The following RAD54L2 variants were observed in gnomAD, a reference collection of about 807,000 sequenced individuals.
The protein encoded by RAD54L2 is RAD54 like 2.
RAD54L2 carries 27 observed loss-of-function variants against 138.4 expected under a neutral mutation model. The ratio of observed to expected loss-of-function variants is 0.20; its 90% CI spans 0.14 to 0.27. RAD54L2 has a LOEUF of 0.27. Among genes scored for constraint, RAD54L2 ranks in the 10% least tolerant of loss-of-function variants. The pLI, the probability that RAD54L2 is intolerant of heterozygous loss-of-function variation, is 1.00. For missense variants in RAD54L2, 1,396 were observed against 1,890.2 expected (o/e 0.74, Z 4.85); for synonymous variants, 644 against 723.2 (o/e 0.89, Z 1.76).
At chr3:51,591,145 T>G (rs1699830993) in intron 3 of RAD54L2, among the ~76,000 whole-genome samples, 1 of 152,164 alleles carries the variant, frequency 6.6e-6, no homozygotes. Context: ...TAGATCCCCT[T>G]TTGATGCCTT....
Position 51,637,177 on chromosome 3 carries a change from A to T in RAD54L2, c.1356A>T (p.Leu452Phe). 6.3e-7 allele frequency: 1 copy of T among 1,584,022 alleles called. No homozygotes were observed. Among genetic ancestry groups the T allele is most frequent in the Non-Finnish European group, 8.6e-7 (1 of 1,164,846 alleles). ...QEFRREFEKA[L>F]CRPGPDVVIC... ...CCTCCCTAGAGTTTGAGAAGGCTTT[A>T]TGCCGCCCTGGCCCTGATGTAGTAA... The change falls in exon 11 of 23, where the codon TTA becomes TTT. Residue 452 changes from leucine to phenylalanine, a missense_variant. By Grantham distance (22) the Leu-to-Phe change is conservative. Transcript: ENST00000684192. This position sits in a 1 kb window ranked among gnomAD's most constrained non-coding sequence, Gnocchi z 5.9.
intron 2 of RAD54L2, among the ~76,000 whole-genome samples, chr3:51,559,782 T>C (rs1179474455): frequency 6.6e-6 from 1 of 152,158 alleles, no homozygotes; most frequent in Non-Finnish European, 1.5e-5. Context: ...ATATTGAAAA[T>C]AAAAACAATC....
At chr3:51,647,288 G>A (rs201154386) in intron 19 of RAD54L2, among the ~76,000 whole-genome samples, 3 of 152,092 alleles carry the variant, frequency 2.0e-5, no homozygotes, top group Non-Finnish European at 4.4e-5. Flanking sequence ...CTGCAGCCTC[G>A]ACCTGCTGGG....
chr3:51,544,812 G>C (rs1698644605), intron 2 of RAD54L2, among the ~76,000 whole-genome samples: 1 of 152,056 alleles, frequency 6.6e-6, no homozygotes, highest in Admixed American at 6.6e-5. Flanking sequence ...TGTTGGCCAG[G>C]CTGGTCTTGA....
chr3:51,540,460 A>G (rs1206831256), intron 1 of RAD54L2, among the ~76,000 whole-genome samples: 2 of 152,194 alleles, frequency 1.3e-5, no homozygotes, highest in East Asian at 1.9e-4. Context: ...ACAGTACGCA[A>G]ACTCCAACTC....
intron 2 of RAD54L2, among the ~76,000 whole-genome samples, chr3:51,555,060 C>G (rs1402715594): frequency 6.6e-6 from 1 of 152,032 alleles, no homozygotes; most frequent in Non-Finnish European, 1.5e-5. Flanking sequence ...CCAGGCTGGT[C>G]TCAAACTCCT....
intron 2 of RAD54L2, among the ~76,000 whole-genome samples, chr3:51,564,892 A>G (rs2106646658): frequency 6.6e-6 from 1 of 152,328 alleles, no homozygotes; most frequent in East Asian, 1.9e-4. Flanking sequence ...TTTATATGTT[A>G]GGATGCTGTT....
At chr3:51,601,012 A>G (rs1700068291) in intron 3 of RAD54L2, among the ~76,000 whole-genome samples, 1 of 152,174 alleles carries the variant, frequency 6.6e-6, no homozygotes, top group African/African-American at 2.4e-5. Flanking sequence ...AGTATATTGT[A>G]GGACTGGGCA....
intron 2 of RAD54L2, among the ~76,000 whole-genome samples, chr3:51,590,163 G>A (rs1345396691): frequency 2.0e-5 from 3 of 152,030 alleles, no homozygotes; most frequent in Non-Finnish European, 4.4e-5. Flanking sequence ...ACTAACTTTT[G>A]TATTTTTAGT....
At chr3:51,569,692 T>A (rs1200393807) in intron 2 of RAD54L2, among the ~76,000 whole-genome samples, 3 of 152,166 alleles carry the variant, frequency 2.0e-5, no homozygotes, top group South Asian at 4.2e-4. Context: ...TAATTCTCTC[T>A]GTTTTTGAGT....
chr3:51,637,315 C>T lies in RAD54L2; in HGVS notation c.1494C>T (p.Asn498=). ...TGACTGGGTACCCTCTGCAAAACAACCTCATTGAGTACTGGTGCATGGTGG... is the reference window on the plus strand; with the variant it reads ...TGACTGGGTACCCTCTGCAAAACAATCTCATTGAGTACTGGTGCATGGTGG... ...VVLTGYPLQN[N]LIEYWCMVDF... Residue 498 remains asparagine (N), a synonymous_variant, in exon 11 of 23, where the codon AAC becomes AAT. Transcript: ENST00000684192. The surrounding 1 kb of genome is among the most constrained non-coding windows in gnomAD (Gnocchi z 5.9). The T allele has an allele frequency of 1.2e-6, 2 of 1,613,466 alleles. No homozygotes were observed. The highest frequency in any genetic ancestry group is 1.7e-6 in the Non-Finnish European group (2 of 1,179,722).
At chr3:51,554,447 C>A (rs1037187924) in intron 2 of RAD54L2, among the ~76,000 whole-genome samples, 2 of 151,850 alleles carry the variant, frequency 1.3e-5, no homozygotes, top group Non-Finnish European at 2.9e-5. Context: ...TCACTTGAAC[C>A]CGGGAGGCAG....
At chr3:51,620,008 T>C (rs1005114933) in intron 3 of RAD54L2, among the ~76,000 whole-genome samples, 1 of 152,188 alleles carries the variant, frequency 6.6e-6, no homozygotes. Context: ...GCAGAGTTTT[T>C]GGCACACAGA....
chr3:51,625,209 G>A (rs1394342624), intron 3 of RAD54L2, among the ~76,000 whole-genome samples: 3 of 152,024 alleles, frequency 2.0e-5, no homozygotes, highest in Non-Finnish European at 2.9e-5. Context: ...ACTTGAGGTC[G>A]GGAGTTCGAG....
At position 51,666,527 on chromosome 3, in the gene RAD54L2, C is replaced by G. The variant is rs1158711072; in HGVS notation, c.*3107C>G. 1 of 152,086 alleles carries G rather than the reference C, an allele frequency of 6.6e-6. No homozygotes were observed. The highest frequency in any genetic ancestry group is 2.4e-5 in the African/African-American group (1 of 41,386). The allele number at this position is 152,086 out of a possible 1,614,324, so 9.4% of individuals were successfully genotyped here. ...CTCAAGCCCCATTCATCTGGTTTAG[C>G]CAAGTTCTCAGCCTGGGGAACACAG... On this transcript the variant is annotated 3_prime_UTR_variant, in exon 23 of 23. Coordinates refer to ENST00000684192, the MANE Select transcript of RAD54L2 (RefSeq NM_015106.4).
chr3:51,548,591 G>C (rs1302759718), intron 2 of RAD54L2, among the ~76,000 whole-genome samples: 1 of 152,158 alleles, frequency 6.6e-6, no homozygotes. Context: ...GAAGTGGCTT[G>C]CTTTCCAGTA....
chr3:51,567,195 A>G (rs1699236910), intron 2 of RAD54L2, among the ~76,000 whole-genome samples: 1 of 152,164 alleles, frequency 6.6e-6, no homozygotes. Flanking sequence ...TTTGTTTTTC[A>G]TTCTTGGTCC....
At chr3:51,617,100 G>A (rs1468817093) in intron 3 of RAD54L2, among the ~76,000 whole-genome samples, 2 of 152,086 alleles carry the variant, frequency 1.3e-5, no homozygotes, top group African/African-American at 2.4e-5. Flanking sequence ...TTGTATGAGT[G>A]TACTAAAACT....
Position 51,666,340 on chromosome 3 carries a change from C to A in RAD54L2, c.*2920C>A, listed in dbSNP as rs1266198175. On this transcript the variant is annotated 3_prime_UTR_variant, in exon 23 of 23. Transcript: ENST00000684192. ...CAGGAAGTATCTCAGAGCCTAAGAACCATGTTTTATAGTTTCTTTGATCAT... is the reference window on the plus strand; with the variant it reads ...CAGGAAGTATCTCAGAGCCTAAGAAACATGTTTTATAGTTTCTTTGATCAT... 1 of 151,928 alleles carries A rather than the reference C, an allele frequency of 6.6e-6. No individual in the cohort carries two copies. The highest frequency in any genetic ancestry group is 2.4e-5 in the African/African-American group (1 of 41,336). 9.4% of individuals were successfully genotyped at this position (151,928 alleles called of 1,614,324 possible). A position where few individuals can be genotyped will look rare whatever the true frequency, so the allele number is the denominator to read the frequency against.
Sources: gnomAD v4.1 joint callset for allele counts (sites outside exome capture counted in the v4.1 genomes callset) on GRCh38, gnomAD v4.1.1 for gene constraint, Gnocchi (gnomAD v3.1) non-coding constraint, MANE v1.5 for transcripts, NCBI Gene and HGNC (gene_info 2026-07-23, HGNC 2026-07-21) for gene names.